Variants in RTL9 observed in about 807,000 individuals in gnomAD.
The protein encoded by RTL9 is retrotransposon Gag like 9.
RTL9 carries 19 observed loss-of-function variants against 44.7 expected under a neutral mutation model. The observed-to-expected ratio is 0.42, with a 90% CI of 0.30 to 0.62. The LOEUF is 0.62. Among genes scored for constraint, RTL9 ranks in the 20% least tolerant of loss-of-function variants. RTL9 has a pLI of 0.16. For missense variants in RTL9, 1,105 were observed against 1,080.6 expected, an observed-to-expected ratio of 1.02 and a Z score of -0.32; for synonymous variants, 407 against 398.9, an observed-to-expected ratio of 1.02 and a Z score of -0.24.
chrX:110,423,323 G>A (rs1377700621), intron 1 of RTL9, among the ~76,000 whole-genome samples: 1 of 105,174 alleles, frequency 9.5e-6, no homozygotes, highest in Non-Finnish European at 1.9e-5. Flanking sequence ...AGTGAAACTC[G>A]GTCTCAAAAA....
intron 1 of RTL9, among the ~76,000 whole-genome samples, chrX:110,422,301 C>A (rs753090472): frequency 1.2e-3 from 141 of 113,002 alleles, no homozygotes; most frequent in African/African-American, 4.3e-3. Context: ...TTTCTGGCAG[C>A]CTTTTGTTGT....
chrX:110,360,132 T>C (rs1431930053), intron 1 of RTL9, among the ~76,000 whole-genome samples: 1 of 111,427 alleles, frequency 9.0e-6, no homozygotes, highest in Non-Finnish European at 1.9e-5. Context: ...AGAAATCTCA[T>C]AGCCTCAGAC....
At chrX:110,417,404 G>A (rs975286611), upstream of RTL9, among the ~76,000 whole-genome samples, 4 of 112,675 alleles carry the variant, frequency 3.6e-5, no homozygotes, top group East Asian at 8.3e-4. Flanking sequence ...AGCAAGAGAT[G>A]CAAAGATAAG....
At chrX:110,360,810 C>T (rs754176235) in intron 1 of RTL9, among the ~76,000 whole-genome samples, 1 of 110,809 alleles carries the variant, frequency 9.0e-6, no homozygotes, top group East Asian at 2.9e-4. Context: ...ACAATGGTAG[C>T]AGTGGGAATG....
intron 1 of RTL9, among the ~76,000 whole-genome samples, chrX:110,360,351 A>C (rs1340153803): frequency 8.9e-6 from 1 of 111,940 alleles, no homozygotes. Flanking sequence ...AGGTAGGCAA[A>C]ATATGCATAG....
At chrX:110,442,366 T>C (rs2068887471) in intron 1 of RTL9, among the ~76,000 whole-genome samples, 1 of 110,271 alleles carries the variant, frequency 9.1e-6, no homozygotes. Flanking sequence ...TTAAAAAATG[T>C]TTAAAACGTT....
At chrX:110,413,821 C>T (rs1314440312) in intron 1 of RTL9, among the ~76,000 whole-genome samples, 1 of 111,193 alleles carries the variant, frequency 9.0e-6, no homozygotes, top group Non-Finnish European at 1.9e-5. Context: ...CATCCTGGAA[C>T]ATGATGATGA....
In RTL9 at chrX:110,429,061, C is replaced by A. The variant is rs1481261485; in HGVS notation, c.-168+9926C>A. On this transcript the variant is annotated intron_variant, in intron 1 of 3. Transcript: ENST00000465301. ...TTCTACCCCACTAGCCAATTCAAAG[C>A]TTGTCTTCCCTGTAGATCCACCCTG... 2.1e-4 allele frequency among the ~76,000 whole-genome samples: 24 copies of A among 111,891 alleles called. No individual in the cohort carries two copies. The Admixed American group carries it at 2.3e-3, about 11-fold the overall frequency.
At chrX:110,380,259 A>G (rs932462064) in intron 1 of RTL9, among the ~76,000 whole-genome samples, 1 of 112,195 alleles carries the variant, frequency 8.9e-6, no homozygotes, top group Non-Finnish European at 1.9e-5. Flanking sequence ...ACTTCCTTCC[A>G]TTGTCCTGAA....
intron 1 of RTL9, among the ~76,000 whole-genome samples, chrX:110,433,984 T>A (rs2068817641): frequency 9.0e-6 from 1 of 111,448 alleles, no homozygotes; most frequent in Admixed American, 9.5e-5. Flanking sequence ...ACATAAGCCC[T>A]CATGGTCCAA....
At chrX:110,396,127 G>A (rs979009156) in intron 1 of RTL9, among the ~76,000 whole-genome samples, 5 of 111,457 alleles carry the variant, frequency 4.5e-5, no homozygotes, top group Non-Finnish European at 7.5e-5. Context: ...CTGAGTCAAA[G>A]CTCAGGGCCT....
At chrX:110,433,245 G>A (rs1356350566) in intron 1 of RTL9, among the ~76,000 whole-genome samples, 1 of 112,538 alleles carries the variant, frequency 8.9e-6, no homozygotes, top group African/African-American at 3.2e-5. Flanking sequence ...GGTGCTTATG[G>A]GAGACAAAAC....
intron 1 of RTL9, among the ~76,000 whole-genome samples, chrX:110,373,025 C>T (rs192790965): frequency 6.0e-4 from 67 of 111,996 alleles, no homozygotes; most frequent in African/African-American, 2.1e-3. Context: ...TTACTATGTG[C>T]CAAGCATTGT....
At chrX:110,411,866 C>T (rs2068643879) in intron 1 of RTL9, among the ~76,000 whole-genome samples, 1 of 112,552 alleles carries the variant, frequency 8.9e-6, no homozygotes, top group South Asian at 3.7e-4. Flanking sequence ...GTTTTGCTTA[C>T]TCACTATTAT....
intron 1 of RTL9, among the ~76,000 whole-genome samples, chrX:110,385,141 G>A (rs2068446284): frequency 9.0e-6 from 1 of 111,190 alleles, no homozygotes; most frequent in African/African-American, 3.3e-5. Flanking sequence ...CCAACTAGCT[G>A]TGAGACCTCA....
At chrX:110,361,754 T>G (rs763624070) in intron 1 of RTL9, among the ~76,000 whole-genome samples, 1 of 112,666 alleles carries the variant, frequency 8.9e-6, no homozygotes, top group South Asian at 3.6e-4. Context: ...GTTTATCTAT[T>G]TATTTGTTTA....
At chrX:110,360,224 C>G (rs1000421008) in intron 1 of RTL9, among the ~76,000 whole-genome samples, 2 of 111,172 alleles carry the variant, frequency 1.8e-5, no homozygotes, top group Non-Finnish European at 3.8e-5. Context: ...CACTGACAAG[C>G]CCACAGGGAT....
intron 1 of RTL9, among the ~76,000 whole-genome samples, chrX:110,424,538 C>A (rs1442855864): frequency 1.8e-5 from 2 of 111,646 alleles, no homozygotes; most frequent in African/African-American, 6.5e-5. Context: ...TAATTGACTT[C>A]AAGCTTAACA....
intron 1 of RTL9, among the ~76,000 whole-genome samples, chrX:110,398,340 A>C (rs779114072): frequency 7.1e-5 from 8 of 112,156 alleles, no homozygotes; most frequent in Non-Finnish European, 1.1e-4. Context: ...GAAAGACATC[A>C]AACTATTTAT....
Sources: allele counts gnomAD v4.1 joint callset (sites outside exome capture counted in the v4.1 genomes callset), GRCh38; gene constraint gnomAD v4.1.1; transcripts MANE v1.5; gene names NCBI Gene and HGNC (gene_info 2026-07-23, HGNC 2026-07-21).